Variants in SARDH observed in about 807,000 individuals in gnomAD.
The protein encoded by SARDH is sarcosine dehydrogenase, mitochondrial.
Under a neutral mutation model 109.1 loss-of-function variants are expected in SARDH, and 95 were observed. The observed-to-expected ratio is 0.87, with a 90% CI of 0.74 to 1.03. The LOEUF (loss-of-function observed/expected upper bound fraction) is 1.03, where lower values mean the gene tolerates loss of function less well. SARDH is among the 50% of genes least tolerant of loss of function. SARDH has a pLI of 0.00. For synonymous variants in SARDH, 572 were observed against 534.8 expected (o/e 1.07, Z -0.96); for missense variants, 1,267 against 1,287.8 (o/e 0.98, Z 0.25).
chr9:133,719,298 C>T lies in SARDH; in HGVS notation c.916-256G>A, dbSNP rs187432551. ...GGGGAAGAAGGAAGAAGGAATGGAT[C>T]GAGGAAGAGAGCAAGGGAGGAAGGG... On this transcript the variant is annotated intron_variant, in intron 6 of 20. Transcript: ENST00000439388. Among the ~76,000 whole-genome samples the T allele has an allele frequency of 3.9e-5, 6 of 152,150 alleles. No individual in the cohort carries two copies. In the South Asian group the frequency reaches 1.0e-3, roughly 26 times the overall value.
At chr9:133,665,171 G>A (rs1285260090) in intron 20 of SARDH, among the ~76,000 whole-genome samples, 1 of 152,160 alleles carries the variant, frequency 6.6e-6, no homozygotes, top group Non-Finnish European at 1.5e-5. Flanking sequence ...TGGGTGCATC[G>A]ACTGGTTCCC....
intron 17 of SARDH, among the ~76,000 whole-genome samples, chr9:133,678,092 A>AC (rs966235276): frequency 2.0e-5 from 3 of 151,544 alleles, no homozygotes; most frequent in Non-Finnish European, 4.4e-5. Flanking sequence ...GGATGAGAGG[A>AC]CCCCCCACCT....
chr9:133,706,157 C>T lies in SARDH; in HGVS notation c.1471-1126G>A, dbSNP rs960650373. Among the ~76,000 whole-genome samples, 11 of 152,334 alleles carry T rather than the reference C, an allele frequency of 7.2e-5. 1 individual carries two copies. The South Asian group carries it at 8.3e-4, about 11-fold the overall frequency. ...CGGGGTTGTAAACAAATTCCGTTCA[C>T]GCATGTTCACTGAGCTCTATGCGCA... On this transcript the variant is annotated intron_variant, in intron 11 of 20. Coordinates refer to ENST00000439388, the MANE Select transcript of SARDH (RefSeq NM_001134707.2).
intron 13 of SARDH, among the ~76,000 whole-genome samples, chr9:133,701,885 C>A (rs909690437): frequency 1.5e-4 from 23 of 152,228 alleles, no homozygotes; most frequent in African/African-American, 5.3e-4. Flanking sequence ...CCAGTGGGGA[C>A]CTTGCTCAAA....
chr9:133,719,871 G>A (rs538212446), intron 6 of SARDH, among the ~76,000 whole-genome samples: 1 of 152,004 alleles, frequency 6.6e-6, no homozygotes, highest in South Asian at 2.1e-4. Flanking sequence ...CAGTGCTTTG[G>A]GAGGCCAAGG....
At chr9:133,685,316 G>A in intron 16 of SARDH, 30 bp from the exon 17 acceptor site, 1 of 1,601,360 alleles carries the variant, frequency 6.2e-7, no homozygotes, top group Non-Finnish European at 8.5e-7. Context: ...CGCTCAGTCA[G>A]CAAGTGCTCA....
chr9:133,670,794 G>A, intron 18 of SARDH, 42 bp from the exon 19 acceptor site: 2 of 1,515,404 alleles, frequency 1.3e-6, no homozygotes, highest in Non-Finnish European at 1.8e-6. Context: ...ACCCTGAGGG[G>A]GATAAGCCCT....
At chr9:133,730,618 C>T (rs1355472595) in intron 4 of SARDH, among the ~76,000 whole-genome samples, 3 of 139,266 alleles carry the variant, frequency 2.2e-5, no homozygotes, top group Non-Finnish European at 1.6e-5. Flanking sequence ...GTAAAACATA[C>T]TAAAATGTCA....
rs1831202702 is a variant in SARDH at position 133,694,242 on chromosome 9, C to G, written c.1921+16G>C. On this transcript the variant is annotated intron_variant, in intron 15 of 20. Coordinates refer to ENST00000439388, the MANE Select transcript of SARDH (RefSeq NM_001134707.2). ...GGCCGCAGTCACAGCGCCGTGTGCA[C>G]AGAGGCATCCCATACCTTCAAAGGC... 1.3e-6 allele frequency: 2 copies of G among 1,529,254 alleles called. No individual in the cohort carries two copies. The highest frequency in any genetic ancestry group is 3.4e-4 in the Middle Eastern group (2 of 5,848). The allele number at this position is 1,529,254 out of a possible 1,614,324, so 94.7% of individuals were successfully genotyped here. A position where few individuals can be genotyped will look rare whatever the true frequency, so the allele number is the denominator to read the frequency against.
At chr9:133,737,002 A>G (rs1169019539) in intron 1 of SARDH, among the ~76,000 whole-genome samples, 3 of 152,154 alleles carry the variant, frequency 2.0e-5, no homozygotes, top group Non-Finnish European at 2.9e-5. Flanking sequence ...ACAGCGGGGG[A>G]GTCTGACACA....
Position 133,690,417 on chromosome 9 carries a change from C to A in SARDH, c.2032G>T (p.Glu678Ter), listed in dbSNP as rs142376496. 1 of 1,613,256 alleles carries A rather than the reference C, an allele frequency of 6.2e-7. No homozygotes were observed. The highest frequency in any genetic ancestry group is 1.3e-5 in the African/African-American group (1 of 75,034). The change falls in exon 16 of 21, where the codon GAG (glutamate) becomes TAG (stop). Residue 678 changes from glutamate (E) to a stop codon, truncating the protein, a stop_gained. Coordinates refer to ENST00000439388, the MANE Select transcript of SARDH (RefSeq NM_001134707.2). LOFTEE classifies it high-confidence loss of function. ...KSQCQLIDSS[E>*]DLGMISIQGP... ...TGGATACTGATCATACCCAGGTCCT[C>A]GGAGCTGTCGATGAGCTGGCACTGG...
At chr9:133,687,606 G>C (rs1830932368) in intron 16 of SARDH, among the ~76,000 whole-genome samples, 1 of 151,938 alleles carries the variant, frequency 6.6e-6, no homozygotes, top group African/African-American at 2.4e-5. Flanking sequence ...GGCTATTTGA[G>C]TTTACATCCA....
chr9:133,695,275 T>C (rs1043582749), intron 14 of SARDH, among the ~76,000 whole-genome samples: 6 of 152,162 alleles, frequency 3.9e-5, no homozygotes, highest in African/African-American at 1.4e-4. Flanking sequence ...AAACCCCGTC[T>C]CTACTAAAAA....
intron 17 of SARDH, among the ~76,000 whole-genome samples, chr9:133,683,465 T>C (rs1830770686): frequency 6.6e-6 from 1 of 152,200 alleles, no homozygotes; most frequent in Admixed American, 6.5e-5. Flanking sequence ...CAAAGCTGGA[T>C]GCTGCGTGGA....
intron 13 of SARDH, among the ~76,000 whole-genome samples, chr9:133,700,730 C>A (rs926315301): frequency 7.9e-6 from 1 of 126,694 alleles, no homozygotes; most frequent in African/African-American, 3.0e-5. Context: ...CACACACACA[C>A]GCACGCGCAC....
intron 19 of SARDH, among the ~76,000 whole-genome samples, chr9:133,670,242 T>C (rs1288829910): frequency 6.8e-6 from 1 of 147,418 alleles, no homozygotes; most frequent in Non-Finnish European, 1.5e-5. Context: ...GGCAGGAGAA[T>C]CACTTGAACC....
At chr9:133,729,949 C>G (rs892844276) in intron 5 of SARDH, 84 bp from the exon 6 acceptor site, 1 of 1,591,112 alleles carries the variant, frequency 6.3e-7, no homozygotes, top group Non-Finnish European at 8.6e-7. Context: ...CCTCTGCAGA[C>G]CTGTCTGCCC....
At chr9:133,721,122 A>G (rs1832310576) in intron 6 of SARDH, among the ~76,000 whole-genome samples, 1 of 152,228 alleles carries the variant, frequency 6.6e-6, no homozygotes, top group African/African-American at 2.4e-5. Flanking sequence ...TCCAAGCAAC[A>G]GCCCAAGAAG....
chr9:133,698,760 C>CA (rs1336132842), intron 13 of SARDH, among the ~76,000 whole-genome samples: 14 of 151,736 alleles, frequency 9.2e-5, no homozygotes, highest in Admixed American at 3.9e-4. Context: ...TCACGCCATG[C>CA]AAAAAAAATT....
Sources: allele counts gnomAD v4.1 joint callset (sites outside exome capture counted in the v4.1 genomes callset), GRCh38; gene constraint gnomAD v4.1.1; transcripts MANE v1.5; gene names NCBI Gene and HGNC (gene_info 2026-07-23, HGNC 2026-07-21).